The following PSTPIP2 variants were observed in gnomAD, a reference collection of about 807,000 sequenced individuals.
PSTPIP2 encodes the protein proline-serine-threonine phosphatase interacting protein 2.
Under a neutral mutation model 63.3 loss-of-function variants are expected in PSTPIP2, and 33 were observed. The ratio of observed to expected loss-of-function variants is 0.52; its 90% CI spans 0.40 to 0.70. The LOEUF (loss-of-function observed/expected upper bound fraction) is 0.70. Among genes scored for constraint, PSTPIP2 ranks in the 30% least tolerant of loss-of-function variants. PSTPIP2 has a pLI of 0.00. For synonymous variants in PSTPIP2, 125 were observed against 132.7 expected (o/e 0.94, Z 0.40); for missense variants, 312 against 400.7 (o/e 0.78, Z 1.89).
intron 1 of PSTPIP2, among the ~76,000 whole-genome samples, chr18:46,059,755 G>A (rs189746671): frequency 9.1e-4 from 139 of 152,228 alleles, no homozygotes; most frequent in Non-Finnish European, 1.4e-3. Flanking sequence ...TAGGCTGGGC[G>A]TGGTGGCTCA....
chr18:46,056,510 T>C (rs1419019784), intron 1 of PSTPIP2, among the ~76,000 whole-genome samples: 3 of 152,100 alleles, frequency 2.0e-5, no homozygotes, highest in South Asian at 2.1e-4. Context: ...GCCAGGAGTT[T>C]GAGACCAGGA....
chr18:46,045,986 G>T (rs1908371276), intron 1 of PSTPIP2, among the ~76,000 whole-genome samples: 2 of 152,326 alleles, frequency 1.3e-5, no homozygotes, highest in East Asian at 1.9e-4. Flanking sequence ...TACGGTAATT[G>T]AAACAGTATG....
At chr18:46,005,824 A>G (rs2051718982) in intron 5 of PSTPIP2, among the ~76,000 whole-genome samples, 1 of 152,216 alleles carries the variant, frequency 6.6e-6, no homozygotes, top group South Asian at 2.1e-4. Flanking sequence ...GGAATCAAGG[A>G]ACTTTGGTTT....
chr18:45,987,376 C>T (rs2051478698), intron 14 of PSTPIP2, among the ~76,000 whole-genome samples: 1 of 152,118 alleles, frequency 6.6e-6, no homozygotes, highest in African/African-American at 2.4e-5. Context: ...GAGAGAGAGG[C>T]TGTTGCCTTT....
At chr18:46,070,342 G>A (rs1301217202) in intron 1 of PSTPIP2, among the ~76,000 whole-genome samples, 1 of 152,156 alleles carries the variant, frequency 6.6e-6, no homozygotes, top group Non-Finnish European at 1.5e-5. Context: ...CTGGAACCCT[G>A]TCTTCACCCT....
chr18:46,071,395 A>G (rs925188395), intron 1 of PSTPIP2, among the ~76,000 whole-genome samples: 3 of 152,270 alleles, frequency 2.0e-5, no homozygotes, highest in East Asian at 3.9e-4. Flanking sequence ...GAGAGGACAG[A>G]GGGAAGAGGA....
chr18:46,069,651 A>C (rs994685856), intron 1 of PSTPIP2, among the ~76,000 whole-genome samples: 2 of 152,190 alleles, frequency 1.3e-5, no homozygotes, highest in African/African-American at 4.8e-5. Context: ...TATTTTCATG[A>C]AGCATTTAAA....
At chr18:46,028,398 G>T (rs985348977) in intron 2 of PSTPIP2, 1 of 519,596 alleles carries the variant, frequency 1.9e-6, no homozygotes. Context: ...GGCCAAGCGC[G>T]GCGAGGGAAG....
Position 46,000,564 on chromosome 18 carries a change from C to T in PSTPIP2, c.418-1030G>A, listed in dbSNP as rs1599703135. 2.0e-5 allele frequency among the ~76,000 whole-genome samples: 3 copies of T among 152,308 alleles called. No homozygotes were observed. In the East Asian group the frequency reaches 5.8e-4, roughly 29 times the overall value. ...TGTGTTTTCAGTAGAGACAGGGTTTCACTATGTTGGCCAGGCTGGTCTCGA... is the reference window on the plus strand; with the variant it reads ...TGTGTTTTCAGTAGAGACAGGGTTTTACTATGTTGGCCAGGCTGGTCTCGA... On this transcript the variant is annotated intron_variant, in intron 6 of 14. Transcript: ENST00000409746.
chr18:46,050,090 A>G (rs1195333781), intron 1 of PSTPIP2, among the ~76,000 whole-genome samples: 3 of 152,262 alleles, frequency 2.0e-5, no homozygotes, highest in African/African-American at 7.2e-5. Context: ...AAGGAACTAT[A>G]GGGAAATACT....
chr18:45,988,870 G>T, intron 13 of PSTPIP2, 111 bp from the exon 14 acceptor site: 6 of 868,078 alleles, frequency 6.9e-6, no homozygotes, highest in East Asian at 2.5e-5. Flanking sequence ...CTATCCTTTT[G>T]TAAAGAGAAA....
chr18:45,998,917 T>G lies in PSTPIP2; in HGVS notation c.517-78A>C, dbSNP rs904139198. 2.7e-6 allele frequency: 4 copies of G among 1,500,950 alleles called. No homozygotes were observed. The African/African-American group carries it at 5.5e-5, about 21-fold the overall frequency. The allele number at this position is 1,500,950 out of a possible 1,614,324, so 93.0% of individuals were successfully genotyped here. On this transcript the variant is annotated intron_variant, in intron 7 of 14. Coordinates refer to ENST00000409746, the MANE Select transcript of PSTPIP2 (RefSeq NM_024430.4). ...CGAGGCTTCCACAGGCAAAACAGAT[T>G]GAAAAGCAGTAACTATGAAGAGACC...
chr18:46,012,111 A>G (rs1291441399), intron 4 of PSTPIP2, among the ~76,000 whole-genome samples: 2 of 152,248 alleles, frequency 1.3e-5, no homozygotes, highest in Non-Finnish European at 2.9e-5. Flanking sequence ...TTCAAAAAAG[A>G]GTGGCTAAAT....
At chr18:46,027,613 C>T (rs1907628867) in intron 2 of PSTPIP2, among the ~76,000 whole-genome samples, 2 of 152,052 alleles carry the variant, frequency 1.3e-5, no homozygotes, top group South Asian at 2.1e-4. Flanking sequence ...TCACTTGAGC[C>T]TGGGAGTTTG....
At chr18:46,070,016 C>A (rs1909334689) in intron 1 of PSTPIP2, among the ~76,000 whole-genome samples, 1 of 152,182 alleles carries the variant, frequency 6.6e-6, no homozygotes, top group Non-Finnish European at 1.5e-5. Context: ...CAAGTTTAAT[C>A]CTCCCAACGG....
At chr18:46,053,699 T>C (rs1444867551) in intron 1 of PSTPIP2, among the ~76,000 whole-genome samples, 1 of 152,232 alleles carries the variant, frequency 6.6e-6, no homozygotes, top group African/African-American at 2.4e-5. Flanking sequence ...GTAGTCATAA[T>C]TGCCAAAAAT....
At chr18:46,041,881 A>G (rs954721077) in intron 1 of PSTPIP2, among the ~76,000 whole-genome samples, 3 of 152,132 alleles carry the variant, frequency 2.0e-5, no homozygotes, top group African/African-American at 4.8e-5. Context: ...TCCCAGCGCC[A>G]GTTTGCAGAA....
intron 2 of PSTPIP2, among the ~76,000 whole-genome samples, chr18:46,036,807 T>C (rs912265175): frequency 2.6e-5 from 4 of 152,264 alleles, no homozygotes; most frequent in African/African-American, 9.6e-5. Flanking sequence ...CCAGGAAGTA[T>C]AGCATCTCCC....
At chr18:46,059,799 C>T (rs1449216745) in intron 1 of PSTPIP2, among the ~76,000 whole-genome samples, 1 of 151,680 alleles carries the variant, frequency 6.6e-6, no homozygotes, top group East Asian at 2.0e-4. Flanking sequence ...GAGGCCAAGG[C>T]GGGTGGATCA....
Sources: allele counts gnomAD v4.1 joint callset (sites outside exome capture counted in the v4.1 genomes callset), GRCh38; gene constraint gnomAD v4.1.1; transcripts MANE v1.5; gene names NCBI Gene and HGNC (gene_info 2026-07-23, HGNC 2026-07-21).